SLC44A5: variants seen among roughly 807,000 people sequenced by gnomAD.
SLC44A5 encodes the protein choline transporter-like protein 5.
Under a neutral mutation model 101.8 loss-of-function variants are expected in SLC44A5, and 57 were observed. The ratio of observed to expected loss-of-function variants is 0.56; its 90% CI spans 0.45 to 0.70. The LOEUF is 0.70. Ranked by LOEUF, SLC44A5 falls within the 30% of genes least tolerant of loss-of-function variation. The pLI is 0.00. For synonymous variants in SLC44A5, 281 were observed against 290.9 expected (o/e 0.97, Z 0.35); for missense variants, 737 against 853.1 (o/e 0.86, Z 1.70).
At chr1:75,347,588 C>T (rs928823861) in intron 3 of SLC44A5, among the ~76,000 whole-genome samples, 1 of 151,822 alleles carries the variant, frequency 6.6e-6, no homozygotes. Context: ...TACATACAAC[C>T]TATTGTATTA....
chr1:75,442,324 C>A (rs559030398), intron 2 of SLC44A5, among the ~76,000 whole-genome samples: 65 of 152,254 alleles, frequency 4.3e-4, no homozygotes, highest in African/African-American at 1.4e-3. Flanking sequence ...GAGACTACTG[C>A]AATCGGGCTT....
chr1:75,543,676 C>CAT (rs1192252917), intron 1 of SLC44A5, among the ~76,000 whole-genome samples: 1 of 76,414 alleles, frequency 1.3e-5, no homozygotes, highest in East Asian at 3.6e-4. Flanking sequence ...TATATACACA[C>CAT]ATATATATAC....
At chr1:75,254,985 C>T (rs974265482) in intron 6 of SLC44A5, among the ~76,000 whole-genome samples, 1 of 152,130 alleles carries the variant, frequency 6.6e-6, no homozygotes, top group African/African-American at 2.4e-5. Context: ...TGCTGGGCCA[C>T]GTGGAGCCCA....
At chr1:75,386,379 A>G (rs200549778) in intron 3 of SLC44A5, among the ~76,000 whole-genome samples, 1 of 152,162 alleles carries the variant, frequency 6.6e-6, no homozygotes, top group East Asian at 1.9e-4. Flanking sequence ...TACAAAATCA[A>G]TGTGCAAAAA....
the SLC44A5 span, among the ~76,000 whole-genome samples, chr1:75,718,902 G>C: frequency 9.2e-5 from 14 of 152,118 alleles, no homozygotes; most frequent in Non-Finnish European, 1.9e-4. Flanking sequence ...CTCTCTATAT[G>C]AGTTCTCCCA....
intron 23 of SLC44A5, 27 bp from the exon 24 acceptor site, chr1:75,203,860 A>G: frequency 1.3e-6 from 2 of 1,531,954 alleles, no homozygotes; most frequent in South Asian, 1.2e-5. Flanking sequence ...TACAGAGTAA[A>G]TATCAAAGCA....
intron 1 of SLC44A5, among the ~76,000 whole-genome samples, chr1:75,578,472 T>G (rs1455942916): frequency 6.6e-6 from 1 of 152,160 alleles, no homozygotes; most frequent in Non-Finnish European, 1.5e-5. Context: ...TATTCAGTCT[T>G]ATAAAAAGAA....
intron 5 of SLC44A5, among the ~76,000 whole-genome samples, chr1:75,296,956 CAG>C: frequency 6.6e-6 from 1 of 152,270 alleles, no homozygotes; most frequent in Non-Finnish European, 1.5e-5. Context: ...ACTGGGGCTT[CAG>C]AAAACCCAAC....
chr1:75,380,699 G>C lies in SLC44A5; in HGVS notation c.52+15884C>G, dbSNP rs1244720163. On this transcript the variant is annotated intron_variant, in intron 3 of 23. Coordinates refer to ENST00000370859, the MANE Select transcript of SLC44A5 (RefSeq NM_001130058.2). ...CCAGGAGAAAATCAGCTTCCTGTTTGGATACCCACTAGACATTTGAAGTTC... is the reference window on the plus strand; with the variant it reads ...CCAGGAGAAAATCAGCTTCCTGTTTCGATACCCACTAGACATTTGAAGTTC... Among the ~76,000 whole-genome samples, 2 of 82,816 alleles carry C rather than the reference G, an allele frequency of 2.4e-5. 1 individual carries two copies. The highest frequency in any genetic ancestry group is 4.2e-5 in the Non-Finnish European group (2 of 47,946). The allele number at this position is 82,816 out of a possible 152,430, so 54.3% of individuals were successfully genotyped here.
intron 1 of SLC44A5, among the ~76,000 whole-genome samples, chr1:75,596,851 T>C (rs1310483477): frequency 1.3e-5 from 2 of 152,110 alleles, no homozygotes; most frequent in African/African-American, 2.4e-5. Context: ...TTATACTGAA[T>C]GGACAAAAGC....
chr1:75,526,458 C>T (rs1313267104), intron 2 of SLC44A5, among the ~76,000 whole-genome samples: 1 of 152,186 alleles, frequency 6.6e-6, no homozygotes. Flanking sequence ...CAGCCACTTC[C>T]ATCTTTGTCT....
chr1:75,206,670 T>G, intron 23 of SLC44A5: 1 of 1,613,354 alleles, frequency 6.2e-7, no homozygotes, highest in Non-Finnish European at 8.5e-7. Flanking sequence ...GGTTAGGGGT[T>G]ACGAAGTAGG....
intron 12 of SLC44A5, among the ~76,000 whole-genome samples, chr1:75,232,587 T>C (rs990475269): frequency 2.0e-5 from 3 of 152,110 alleles, no homozygotes; most frequent in African/African-American, 7.2e-5. Flanking sequence ...CAGGAGCAGA[T>C]AGGGAACACC....
chr1:75,362,094 T>C (rs1424270265), intron 3 of SLC44A5, among the ~76,000 whole-genome samples: 2 of 152,060 alleles, frequency 1.3e-5, no homozygotes, highest in Non-Finnish European at 2.9e-5. Context: ...TGTTGACATA[T>C]AATTATTCAT....
At chr1:75,446,649 TACACACACAC>T (rs10547175) in intron 2 of SLC44A5, among the ~76,000 whole-genome samples, 2 of 149,724 alleles carry the variant, frequency 1.3e-5, no homozygotes, top group Non-Finnish European at 3.0e-5. Flanking sequence ...TGCCTGGCTA[TACACACACAC>T]ACACACACAC....
the SLC44A5 span, among the ~76,000 whole-genome samples, chr1:75,623,162 T>C: frequency 1.3e-5 from 2 of 152,110 alleles, no homozygotes; most frequent in Non-Finnish European, 2.9e-5. Flanking sequence ...ACAAGGGAGA[T>C]AGAATTAACC....
chr1:75,317,319 C>T (rs1223462186), intron 4 of SLC44A5, among the ~76,000 whole-genome samples: 1 of 152,194 alleles, frequency 6.6e-6, no homozygotes, highest in African/African-American at 2.4e-5. Context: ...CTGCCTCAGC[C>T]AGTTTCCCCA....
rs898374809 is a variant in SLC44A5 at position 75,470,238 on chromosome 1, T to C, written c.13+71197A>G. 5.9e-5 allele frequency among the ~76,000 whole-genome samples: 9 copies of C among 152,098 alleles called. No homozygotes were observed. The South Asian group carries it at 1.7e-3, about 28-fold the overall frequency. On this transcript the variant is annotated intron_variant, in intron 2 of 23. Transcript: ENST00000370859. The stretch of plus-strand genomic sequence containing the variant: ...TACACGTGAAGCTAAAAGCTTTGGT[T>C]TTCAAGAACCCTAGGGCTATACTTT...
chr1:75,207,742 T>C (rs1230356474), intron 23 of SLC44A5, among the ~76,000 whole-genome samples: 2 of 152,208 alleles, frequency 1.3e-5, no homozygotes, highest in Admixed American at 6.5e-5. Context: ...AATTTCACTT[T>C]CTGTGGTTTT....
Sources: gnomAD v4.1 joint callset for allele counts (sites outside exome capture counted in the v4.1 genomes callset) on GRCh38, gnomAD v4.1.1 for gene constraint, MANE v1.5 for transcripts, NCBI Gene and HGNC (gene_info 2026-07-23, HGNC 2026-07-21) for gene names.